Variants in LRMDA observed in about 807,000 individuals in gnomAD.
The protein encoded by LRMDA is leucine rich melanocyte differentiation associated.
A neutral mutation model predicts 29.8 loss-of-function variants in LRMDA; 18 were observed. That is an observed-to-expected ratio of 0.60 (90% CI 0.42 to 0.90). The LOEUF (loss-of-function observed/expected upper bound fraction) is 0.90. Ranked by LOEUF, LRMDA falls within the 40% of genes least tolerant of loss-of-function variation. LRMDA has a pLI of 0.00. For synonymous variants in LRMDA, 125 were observed against 109.4 expected (o/e 1.14, Z -0.89); for missense variants, 273 against 273.9 (o/e 1.00, Z 0.02).
intron 6 of LRMDA, among the ~76,000 whole-genome samples, chr10:76,534,750 C>T (rs1289074379): frequency 1.3e-5 from 2 of 152,144 alleles, no homozygotes. Flanking sequence ...CTCATTGTCA[C>T]CTTGCGGGGG....
chr10:76,397,553 G>A lies in LRMDA; in HGVS notation c.601+73068G>A, dbSNP rs915310428. 6.6e-5 allele frequency among the ~76,000 whole-genome samples: 10 copies of A among 152,178 alleles called. No homozygotes were observed. The South Asian group carries it at 1.5e-3, about 22-fold the overall frequency. ...AAAAGTCTCCCTTCCAAAACCACAC[G>A]GCATAATTTATTTTACGATTCCCTC... is the stretch of plus-strand genomic sequence containing the variant. On this transcript the variant is annotated intron_variant, in intron 6 of 6. Coordinates refer to ENST00000611255, the MANE Select transcript of LRMDA (RefSeq NM_001305581.2).
intron 5 of LRMDA, among the ~76,000 whole-genome samples, chr10:76,244,198 T>C (rs968765859): frequency 6.6e-6 from 1 of 152,138 alleles, no homozygotes; most frequent in Admixed American, 6.5e-5. Flanking sequence ...TCTGTAAAAG[T>C]TGGGTTATTA....
At chr10:75,445,347 C>T (rs891376912) in intron 2 of LRMDA, among the ~76,000 whole-genome samples, 1 of 151,498 alleles carries the variant, frequency 6.6e-6, no homozygotes. Context: ...ATATAAATAT[C>T]TTTGTAATAC....
intron 2 of LRMDA, among the ~76,000 whole-genome samples, chr10:75,570,746 C>A (rs1840428456): frequency 1.3e-5 from 2 of 152,262 alleles, no homozygotes; most frequent in East Asian, 1.9e-4. Context: ...TAAAAGGTTT[C>A]TTTTGTCAAA....
chr10:76,189,708 C>T (rs1851212330), intron 5 of LRMDA, among the ~76,000 whole-genome samples: 4 of 151,988 alleles, frequency 2.6e-5, no homozygotes. Flanking sequence ...TTTAAATGTC[C>T]CACAGTGTTC....
At chr10:75,478,825 A>G (rs1208694663) in intron 2 of LRMDA, among the ~76,000 whole-genome samples, 1 of 152,138 alleles carries the variant, frequency 6.6e-6, no homozygotes, top group African/African-American at 2.4e-5. Flanking sequence ...AGTGATGGTG[A>G]GTTAGAAATG....
chr10:75,439,703 G>A (rs886706896), intron 2 of LRMDA, among the ~76,000 whole-genome samples: 2 of 152,192 alleles, frequency 1.3e-5, no homozygotes, highest in East Asian at 1.9e-4. Flanking sequence ...CAAAGGGTTT[G>A]TGTGCATCTG....
At chr10:75,797,457 T>TA (rs1464495095) in intron 2 of LRMDA, among the ~76,000 whole-genome samples, 1 of 152,204 alleles carries the variant, frequency 6.6e-6, no homozygotes, top group African/African-American at 2.4e-5. Flanking sequence ...TTTTTTAAAA[T>TA]AAAATCATAT....
chr10:75,686,991 A>C (rs1842090772), intron 2 of LRMDA, among the ~76,000 whole-genome samples: 1 of 152,194 alleles, frequency 6.6e-6, no homozygotes, highest in Non-Finnish European at 1.5e-5. Flanking sequence ...TTACCCATAT[A>C]AGACAGAGAA....
At chr10:76,010,834 G>A (rs1409127863) in intron 2 of LRMDA, among the ~76,000 whole-genome samples, 1 of 152,270 alleles carries the variant, frequency 6.6e-6, no homozygotes, top group East Asian at 1.9e-4. Context: ...GGACTGGCCT[G>A]TCTCAGGCCC....
chr10:76,068,073 A>G (rs1361289444), intron 5 of LRMDA, among the ~76,000 whole-genome samples: 1 of 152,258 alleles, frequency 6.6e-6, no homozygotes, highest in Non-Finnish European at 1.5e-5. Context: ...GCTGCCTTCA[A>G]TGACATGTGC....
chr10:75,482,784 CT>C (rs762004654), intron 2 of LRMDA, among the ~76,000 whole-genome samples: 27 of 152,046 alleles, frequency 1.8e-4, no homozygotes, highest in Non-Finnish European at 3.4e-4. Context: ...AATATGATAG[CT>C]TTTTAGAAAT....
chr10:75,575,950 C>A (rs10824318), intron 2 of LRMDA, among the ~76,000 whole-genome samples: 1 of 151,366 alleles, frequency 6.6e-6, no homozygotes, highest in South Asian at 2.1e-4. Flanking sequence ...GGGCAGACAC[C>A]GAGCTAGCCA....
At chr10:76,345,090 G>A (rs75548582) in intron 6 of LRMDA, among the ~76,000 whole-genome samples, 11,049 of 121,272 alleles carry the variant, frequency 0.091, 511 homozygotes, top group East Asian at 0.28. Context: ...TTTTTGAGAC[G>A]GAGTCTCGCT....
At chr10:76,118,951 C>T (rs1849717136) in intron 5 of LRMDA, among the ~76,000 whole-genome samples, 1 of 145,932 alleles carries the variant, frequency 6.9e-6, no homozygotes, top group Non-Finnish European at 1.5e-5. Flanking sequence ...CCTCTTTTAG[C>T]ATTTTTTCAA....
chr10:75,715,186 A>G (rs912558621), intron 2 of LRMDA, among the ~76,000 whole-genome samples: 3 of 152,178 alleles, frequency 2.0e-5, no homozygotes, highest in Non-Finnish European at 4.4e-5. Flanking sequence ...GTATTCTCTT[A>G]CGGTCAATAT....
chr10:75,964,799 A>C (rs1253578186), intron 2 of LRMDA, among the ~76,000 whole-genome samples: 1 of 151,996 alleles, frequency 6.6e-6, no homozygotes, highest in Non-Finnish European at 1.5e-5. Flanking sequence ...ATGGGGTCTC[A>C]CTCTGTCACC....
chr10:75,790,262 A>G (rs977121670), intron 2 of LRMDA, among the ~76,000 whole-genome samples: 1 of 152,188 alleles, frequency 6.6e-6, no homozygotes, highest in Admixed American at 6.5e-5. Flanking sequence ...ATCACAAAAA[A>G]TGTCTCCAGA....
chr10:75,720,399 G>A (rs1842552132), intron 2 of LRMDA, among the ~76,000 whole-genome samples: 1 of 152,156 alleles, frequency 6.6e-6, no homozygotes, highest in African/African-American at 2.4e-5. Context: ...TGAAATAAAA[G>A]GCTTGCATTA....
Sources: gnomAD v4.1 joint callset for allele counts (sites outside exome capture counted in the v4.1 genomes callset) on GRCh38, gnomAD v4.1.1 for gene constraint, MANE v1.5 for transcripts, NCBI Gene and HGNC (gene_info 2026-07-23, HGNC 2026-07-21) for gene names.